Variants in TYR observed in about 807,000 individuals in gnomAD.
TYR encodes LB24-AB.
In TYR, 58 loss-of-function variants were observed where a neutral mutation model predicts 51.5. The ratio of observed to expected loss-of-function variants is 1.13; its 90% confidence interval spans 0.91 to 1.40. TYR has a LOEUF of 1.40. Among genes scored for constraint, TYR ranks in the 40% most tolerant of loss-of-function variants. The pLI is 0.00. For synonymous variants in TYR, 263 were observed against 235.2 expected (o/e 1.12, Z -1.08); for missense variants, 732 against 647.4 (o/e 1.13, Z -1.42).
At chr11:89,262,657 G>A (rs1294042742) in intron 3 of TYR, among the ~76,000 whole-genome samples, 1 of 143,412 alleles carries the variant, frequency 7.0e-6, no homozygotes, top group Non-Finnish European at 1.5e-5. Flanking sequence ...AATGAAAGAG[G>A]GGACATTACT....
chr11:89,219,493 T>G (rs1201829338), intron 2 of TYR, among the ~76,000 whole-genome samples: 1 of 151,928 alleles, frequency 6.6e-6, no homozygotes, highest in Admixed American at 6.6e-5. Context: ...GACACCATGT[T>G]GGCCAGGCTG....
At chr11:89,245,929 A>AGC (rs1055189856) in intron 3 of TYR, among the ~76,000 whole-genome samples, 106 of 151,490 alleles carry the variant, frequency 7.0e-4, no homozygotes, top group African/African-American at 2.5e-3. Context: ...TCAAAAAAAA[A>AGC]AAACAAACAA....
At chr11:89,231,816 T>C (rs1426236937) in intron 3 of TYR, among the ~76,000 whole-genome samples, 3 of 140,916 alleles carry the variant, frequency 2.1e-5, no homozygotes, top group Admixed American at 2.1e-4. Flanking sequence ...AAACCCCATT[T>C]CTACTAAAAA....
Position 89,178,525 on chromosome 11 carries a change from GA to G in TYR, c.573del (p.Ser192LeufsTer34), listed in dbSNP as rs1364823765. On this transcript the variant is annotated frameshift_variant, in exon 1 of 5. Transcript: ENST00000263321. LOFTEE classifies it high-confidence loss of function. The part of the protein sequence containing the change: ...YYVSMDALLG[G>X]SEIWRDIDFA... The stretch of plus-strand genomic sequence containing the variant: ...GTGTCAATGGATGCACTGCTTGGGG[GA>G]TCTGAAATCTGGAGAGACATTGATT... 4.3e-6 allele frequency: 7 copies of G among 1,614,032 alleles called. No individual in the cohort carries two copies. Among genetic ancestry groups the G allele is most frequent in the Non-Finnish European group, 5.9e-6 (7 of 1,180,036 alleles).
Position 89,227,822 on chromosome 11 carries a change from G to A in TYR, c.1037-1G>A, listed in dbSNP as rs61754382. The stretch of plus-strand genomic sequence containing the variant: ...TTTTTTCATTTTTTTTTAATGAACA[G>A]GATTTGCTAGTCCACTTACTGGGAT... On this transcript the variant is annotated splice_acceptor_variant, in intron 2 of 4. Coordinates refer to ENST00000263321, the MANE Select transcript of TYR (RefSeq NM_000372.5). LOFTEE classifies it high-confidence loss of function. 55 of 1,612,196 alleles carry A rather than the reference G, an allele frequency of 3.4e-5. 1 individual carries two copies. Among genetic ancestry groups the A allele is most frequent in the Non-Finnish European group, 4.2e-5 (49 of 1,179,390 alleles).
At chr11:89,201,497 A>G (rs958997829) in intron 2 of TYR, among the ~76,000 whole-genome samples, 12 of 152,266 alleles carry the variant, frequency 7.9e-5, no homozygotes, top group African/African-American at 2.7e-4. Flanking sequence ...TTAAAAAGGC[A>G]TGTAAAAAAA....
chr11:89,256,288 G>A (rs78650980), intron 3 of TYR, among the ~76,000 whole-genome samples: 2,960 of 151,772 alleles, frequency 0.02, 118 homozygotes, highest in African/African-American at 0.068. Context: ...AAATACACAC[G>A]AAGTATTTCT....
At chr11:89,198,451 G>T (rs920255956) in intron 2 of TYR, among the ~76,000 whole-genome samples, 1 of 152,054 alleles carries the variant, frequency 6.6e-6, no homozygotes, top group African/African-American at 2.4e-5. Flanking sequence ...ATGATTGCCA[G>T]ACCAGGAAAA....
intron 4 of TYR, among the ~76,000 whole-genome samples, chr11:89,292,202 C>T (rs1386399955): frequency 1.3e-5 from 2 of 151,996 alleles, no homozygotes; most frequent in African/African-American, 4.8e-5. Flanking sequence ...AGCTGCCATT[C>T]AGGGACATTC....
intron 2 of TYR, among the ~76,000 whole-genome samples, chr11:89,202,979 A>C (rs2135262813): frequency 6.6e-6 from 1 of 152,286 alleles, no homozygotes; most frequent in East Asian, 1.9e-4. Context: ...TCAATTTGCA[A>C]GTCTGATCAT....
In TYR at chr11:89,254,036, G is replaced by C. The variant is rs191827891; in HGVS notation, c.1184+26066G>C. 3.9e-3 allele frequency among the ~76,000 whole-genome samples: 591 copies of C among 151,748 alleles called. 1 individual carries two copies. The highest frequency in any genetic ancestry group is 0.014 in the African/African-American group (567 of 41,480). On this transcript the variant is annotated intron_variant, in intron 3 of 4. Coordinates refer to ENST00000263321, the MANE Select transcript of TYR (RefSeq NM_000372.5). ...TTTGATGAAGGTTTTAATCATAAAG[G>C]GATGCTGGATTTTGTCAAGTACATT... is the stretch of plus-strand genomic sequence containing the variant.
intron 3 of TYR, among the ~76,000 whole-genome samples, chr11:89,283,040 T>C (rs1944737590): frequency 6.6e-6 from 1 of 151,832 alleles, no homozygotes. Flanking sequence ...ACAGATACAA[T>C]TTTACAAATC....
rs1344187475 is a variant in TYR, at chr11:89,187,066, G to C, written c.820-4136G>C. 2.6e-5 allele frequency among the ~76,000 whole-genome samples: 4 copies of C among 152,152 alleles called. No individual in the cohort carries two copies. In the South Asian group the frequency reaches 8.3e-4, roughly 31 times the overall value. ...CTGTAGTATTTTCTTATGGCAGCCT[G>C]AACTAATCTACCCACCTACTCAAAC... On this transcript the variant is annotated intron_variant, in intron 1 of 4. Transcript: ENST00000263321.
At chr11:89,261,427 C>T (rs1565416283) in intron 3 of TYR, among the ~76,000 whole-genome samples, 1 of 151,858 alleles carries the variant, frequency 6.6e-6, no homozygotes, top group Non-Finnish European at 1.5e-5. Flanking sequence ...TAATACCAGA[C>T]AAAACAGACT....
intron 3 of TYR, among the ~76,000 whole-genome samples, chr11:89,248,955 G>C (rs568697951): frequency 6.6e-6 from 1 of 152,142 alleles, no homozygotes; most frequent in Non-Finnish European, 1.5e-5. Flanking sequence ...AGAAAAAAGA[G>C]TAATCAAAGA....
chr11:89,201,277 T>C (rs1367928574), intron 2 of TYR, among the ~76,000 whole-genome samples: 15 of 152,140 alleles, frequency 9.9e-5, no homozygotes, highest in Admixed American at 9.8e-4. Flanking sequence ...CAGACTTGCT[T>C]TGTTCACATA....
Position 89,195,400 on chromosome 11 carries a change from C to T in TYR, c.1036+3982C>T, listed in dbSNP as rs189672303. Among the ~76,000 whole-genome samples, 14 of 152,158 alleles carry T rather than the reference C, an allele frequency of 9.2e-5. No individual in the cohort carries two copies. In the East Asian group the frequency reaches 1.2e-3, roughly 13 times the overall value. On this transcript the variant is annotated intron_variant, in intron 2 of 4. Coordinates refer to ENST00000263321, the MANE Select transcript of TYR (RefSeq NM_000372.5). ...AATTGTGTAAGAGAGACCACATGGC[C>T]GGGTGTGGTGGCTCACGCCTGTAAA... is the stretch of plus-strand genomic sequence containing the variant.
At chr11:89,282,024 T>C (rs1165786934) in intron 3 of TYR, among the ~76,000 whole-genome samples, 1 of 151,840 alleles carries the variant, frequency 6.6e-6, no homozygotes, top group Non-Finnish European at 1.5e-5. Context: ...TGAAATTAAC[T>C]GAAGTTGAGA....
rs750626209 is a variant in TYR, at chr11:89,295,135, T to A, written c.1367-8T>A. The A allele has an allele frequency of 8.1e-6, 13 of 1,613,708 alleles. No individual in the cohort carries two copies. Among genetic ancestry groups the A allele is most frequent in the Non-Finnish European group, 9.3e-6 (11 of 1,179,838 alleles). On this transcript the variant is annotated splice_polypyrimidine_tract_variant and splice_region_variant and intron_variant, in intron 4 of 4. Transcript: ENST00000263321. ...CAATAAAAACAATGGGATGTCTTTT[T>A]ATTTCAGACCCAGACTCTTTTCAAG...
Sources: allele counts gnomAD v4.1 joint callset (sites outside exome capture counted in the v4.1 genomes callset), GRCh38; gene constraint gnomAD v4.1.1; transcripts MANE v1.5; gene names NCBI Gene and HGNC (gene_info 2026-07-23, HGNC 2026-07-21).